TET3: variants seen among roughly 807,000 people sequenced by gnomAD.
TET3 encodes the protein tet methylcytosine dioxygenase 3.
Under a neutral mutation model 141.4 loss-of-function variants are expected in TET3, and 19 were observed. The ratio of observed to expected loss-of-function variants is 0.13; its 90% CI spans 0.09 to 0.20. The LOEUF is 0.20. Among genes scored for constraint, TET3 ranks in the 10% least tolerant of loss-of-function variants. TET3 has a pLI of 1.00. For synonymous variants in TET3, 1,043 were observed against 980.9 expected, an observed-to-expected ratio of 1.06 and a Z score of -1.18; for missense variants, 1,874 against 2,356.9, an observed-to-expected ratio of 0.80 and a Z score of 4.24.
chr2:74,011,268 G>C (rs1405158731), intron 3 of TET3, among the ~76,000 whole-genome samples: 1 of 149,972 alleles, frequency 6.7e-6, no homozygotes, highest in Non-Finnish European at 1.5e-5. Flanking sequence ...TTGAAGTATA[G>C]TATACACACG....
At chr2:74,069,646 G>A (rs1195459650) in intron 4 of TET3, among the ~76,000 whole-genome samples, 1 of 151,564 alleles carries the variant, frequency 6.6e-6, no homozygotes, top group African/African-American at 2.4e-5. Flanking sequence ...GAGTGCAGTG[G>A]TGCAATCATA....
At chr2:74,111,528 A>ACAAC (rs1691705090), downstream of TET3, among the ~76,000 whole-genome samples, 1 of 152,216 alleles carries the variant, frequency 6.6e-6, no homozygotes, top group Admixed American at 6.5e-5. Context: ...CATACAGGCT[A>ACAAC]TGCACTGCAC....
At chr2:74,114,436 T>C in the TET3 span, among the ~76,000 whole-genome samples, 4 of 152,282 alleles carry the variant, frequency 2.6e-5, no homozygotes, top group African/African-American at 9.6e-5. Flanking sequence ...AAAAACCACC[T>C]GTATGCCAAA....
chr2:74,040,475 G>A (rs1184494251), intron 3 of TET3, among the ~76,000 whole-genome samples: 2 of 152,144 alleles, frequency 1.3e-5, no homozygotes, highest in Non-Finnish European at 2.9e-5. Context: ...GAATGTTGGT[G>A]AATGCAAAAA....
chr2:74,134,865 A>G, the TET3 span: 1 of 428,402 alleles, frequency 2.3e-6, no homozygotes, highest in Non-Finnish European at 4.8e-6. Context: ...TGTTGTAGCC[A>G]TGGCTGCAGC....
At chr2:74,004,663 G>A (rs994237433) in intron 3 of TET3, among the ~76,000 whole-genome samples, 3 of 152,160 alleles carry the variant, frequency 2.0e-5, no homozygotes, top group Non-Finnish European at 2.9e-5. Context: ...GGGATGAGGC[G>A]GTGGGAGGCT....
In TET3 at chr2:74,047,564, T is replaced by G; in HGVS notation, c.1647T>G (p.Pro549=). The G allele has an allele frequency of 1.9e-6, 3 of 1,613,906 alleles. No homozygotes were observed. Among genetic ancestry groups the G allele is most frequent in the Non-Finnish European group, 2.5e-6 (3 of 1,179,872 alleles). ...FLEQVHDTSF[P]APSEPSAPGW... ...AACAGGTGCACGACACCTCCTTCCC[T>G]GCTCCTTCAGAGCCTTCTGCTCCTG... Residue 549 remains proline (P), a synonymous_variant, in exon 4 of 12, where the codon CCT becomes CCG. Transcript: ENST00000409262.
chr2:73,989,498 ATCT>A (rs1684217250), intron 2 of TET3, among the ~76,000 whole-genome samples: 1 of 151,942 alleles, frequency 6.6e-6, no homozygotes, highest in Non-Finnish European at 1.5e-5. Context: ...TGGGTTTTCC[ATCT>A]TCTTTCCCTG....
At chr2:74,074,896 C>T (rs11885578) in intron 5 of TET3, among the ~76,000 whole-genome samples, 2,753 of 151,384 alleles carry the variant, frequency 0.018, 87 homozygotes, top group African/African-American at 0.061. Context: ...TTTTTTGAGA[C>T]GGAGTCGTGC....
chr2:74,034,919 G>A (rs919940866), intron 3 of TET3, among the ~76,000 whole-genome samples: 5 of 151,188 alleles, frequency 3.3e-5, no homozygotes, highest in East Asian at 2.0e-4. Flanking sequence ...AGGGCCGGGC[G>A]CAGTGGCTAT....
chr2:74,052,556 CA>C (rs70965779), intron 4 of TET3, among the ~76,000 whole-genome samples: 20,190 of 92,318 alleles, frequency 0.22, 1,360 homozygotes, highest in Non-Finnish European at 0.28. Flanking sequence ...TTCCTATAGC[CA>C]AAAAAAAAAA....
chr2:74,130,810 G>GGCATCTTCTGCGCGCAGGCCAC, the TET3 span: 1 of 152,256 alleles, frequency 6.6e-6, no homozygotes, highest in African/African-American at 2.4e-5. Context: ...TTGCAGGACA[G>GGCATCTTCTGCGCGCAGGCCAC]GCATCTTCTG....
intron 3 of TET3, among the ~76,000 whole-genome samples, 198 bp downstream of exon 3, chr2:74,003,364 T>A (rs1180875811): frequency 6.6e-6 from 1 of 151,092 alleles, no homozygotes; most frequent in Non-Finnish European, 1.5e-5. Flanking sequence ...TTTGTTTGGA[T>A]TCTTTTTGCT....
Position 74,046,916 on chromosome 2 carries a change from C to G in TET3, c.999C>G (p.Pro333=), listed in dbSNP as rs1423534659. The part of the protein sequence containing the change: ...LLSSEVPQIS[P]QEGLPLSQSA... Reference sequence around the variant, plus strand: ...GCTCAGAGGTGCCCCAGATCTCTCCCCAAGAGGGCCTGCCCCTGTCCCAGA... The same window carrying G: ...GCTCAGAGGTGCCCCAGATCTCTCCGCAAGAGGGCCTGCCCCTGTCCCAGA... Residue 333 remains proline, a synonymous_variant, in exon 4 of 12, where the codon CCC becomes CCG. Transcript: ENST00000409262. This position sits in a 1 kb window ranked among gnomAD's most constrained non-coding sequence, Gnocchi z 4.3. The G allele has an allele frequency of 6.2e-7, 1 of 1,613,908 alleles. No individual in the cohort carries two copies. Among genetic ancestry groups the G allele is most frequent in the Non-Finnish European group, 8.5e-7 (1 of 1,179,882 alleles).
At chr2:74,018,612 A>G (rs1364500611) in intron 3 of TET3, among the ~76,000 whole-genome samples, 2 of 152,186 alleles carry the variant, frequency 1.3e-5, no homozygotes, top group African/African-American at 4.8e-5. Flanking sequence ...GCATTTCATA[A>G]GTACTCTTAC....
chr2:74,098,841 G>A (rs1424476123), intron 10 of TET3, among the ~76,000 whole-genome samples: 6 of 152,154 alleles, frequency 3.9e-5, no homozygotes, highest in East Asian at 1.9e-4. Flanking sequence ...TGATCCACCC[G>A]CCTTGGCCTC....
chr2:74,073,457 T>A, intron 4 of TET3, 92 bp from the exon 5 acceptor site: 1 of 871,438 alleles, frequency 1.1e-6, no homozygotes. Flanking sequence ...TTTTCTAGCA[T>A]GCCTATTAAC....
At chr2:73,992,668 A>G (rs1200817116) in intron 2 of TET3, among the ~76,000 whole-genome samples, 2 of 152,016 alleles carry the variant, frequency 1.3e-5, no homozygotes, top group African/African-American at 4.8e-5. Context: ...AGCCTGGTGA[A>G]CTCATGGTGA....
chr2:74,009,481 A>G (rs1685316037), intron 3 of TET3, among the ~76,000 whole-genome samples: 1 of 152,212 alleles, frequency 6.6e-6, no homozygotes, highest in Admixed American at 6.5e-5. Flanking sequence ...CAGAGAGAGG[A>G]AACTGTGCCT....
Sources: gnomAD v4.1 joint callset for allele counts (sites outside exome capture counted in the v4.1 genomes callset) on GRCh38, gnomAD v4.1.1 for gene constraint, Gnocchi (gnomAD v3.1) non-coding constraint, MANE v1.5 for transcripts, NCBI Gene and HGNC (gene_info 2026-07-23, HGNC 2026-07-21) for gene names.